Variants in PTPRT observed in about 807,000 individuals in gnomAD.
PTPRT encodes receptor-type tyrosine-protein phosphatase T.
In PTPRT, 56 loss-of-function variants were observed where a neutral mutation model predicts 176.8. That is an observed-to-expected ratio of 0.32 (90% CI 0.26 to 0.40). PTPRT has a LOEUF of 0.40. PTPRT is among the 10% of genes least tolerant of loss of function. PTPRT has a pLI of 1.00. For synonymous variants in PTPRT, 783 were observed against 739.0 expected (o/e 1.06, Z -0.96); for missense variants, 1,540 against 1,908.2 (o/e 0.81, Z 3.60).
intron 1 of PTPRT, among the ~76,000 whole-genome samples, chr20:42,887,328 G>A (rs2079119347): frequency 6.6e-6 from 1 of 152,180 alleles, no homozygotes; most frequent in Non-Finnish European, 1.5e-5. Context: ...CTTCCACCAT[G>A]TGAGGACACA....
At chr20:42,245,945 C>G (rs964349269) in intron 14 of PTPRT, among the ~76,000 whole-genome samples, 4 of 152,170 alleles carry the variant, frequency 2.6e-5, no homozygotes, top group African/African-American at 9.7e-5. Flanking sequence ...CAGTGTTGGC[C>G]TCTGTGAACT....
intron 1 of PTPRT, among the ~76,000 whole-genome samples, chr20:42,908,821 G>A (rs558512276): frequency 6.6e-6 from 1 of 152,266 alleles, no homozygotes; most frequent in African/African-American, 2.4e-5. Context: ...ATTTATGGAA[G>A]CCATTTCCAC....
chr20:42,660,207 G>A (rs1294961687), intron 7 of PTPRT, among the ~76,000 whole-genome samples: 1 of 152,064 alleles, frequency 6.6e-6, no homozygotes, highest in Non-Finnish European at 1.5e-5. Flanking sequence ...TCCCTAACAG[G>A]GTGTCTGCTC....
chr20:42,328,681 C>A (rs968550596), intron 11 of PTPRT, among the ~76,000 whole-genome samples: 10 of 152,056 alleles, frequency 6.6e-5, no homozygotes, highest in African/African-American at 2.2e-4. Flanking sequence ...TATTTCAAAT[C>A]TACAACTAAC....
chr20:42,509,659 T>C (rs762908604), intron 7 of PTPRT, among the ~76,000 whole-genome samples: 13 of 149,052 alleles, frequency 8.7e-5, no homozygotes, highest in Non-Finnish European at 2.0e-4. Context: ...TTCTGCAGAA[T>C]AGCTCAGGAT....
intron 13 of PTPRT, among the ~76,000 whole-genome samples, chr20:42,255,081 T>A (rs905834671): frequency 4.6e-5 from 7 of 151,648 alleles, no homozygotes; most frequent in Non-Finnish European, 8.8e-5. Context: ...GGCTGGAACA[T>A]CCTGTGCTCC....
chr20:42,264,593 C>T (rs1419851962), intron 13 of PTPRT, among the ~76,000 whole-genome samples: 1 of 152,174 alleles, frequency 6.6e-6, no homozygotes, highest in East Asian at 1.9e-4. Context: ...TCTGGCACAG[C>T]CATGACCTTT....
At chr20:42,389,460 C>T (rs1340320506) in intron 9 of PTPRT, among the ~76,000 whole-genome samples, 2 of 152,150 alleles carry the variant, frequency 1.3e-5, no homozygotes, top group Non-Finnish European at 2.9e-5. Flanking sequence ...ATATTGGAAA[C>T]TTATTACCCT....
At chr20:42,751,654 G>A (rs1388200362) in intron 6 of PTPRT, among the ~76,000 whole-genome samples, 5 of 152,156 alleles carry the variant, frequency 3.3e-5, no homozygotes, top group African/African-American at 9.7e-5. Flanking sequence ...GGTGAAAGAA[G>A]CGGACTTGCT....
chr20:42,848,048 G>C (rs547587176), intron 2 of PTPRT, among the ~76,000 whole-genome samples: 3 of 152,014 alleles, frequency 2.0e-5, no homozygotes, highest in Non-Finnish European at 4.4e-5. Flanking sequence ...CATCCTCAGA[G>C]CTTAGCTCCC....
At chr20:42,902,005 T>C (rs1305805015) in intron 1 of PTPRT, among the ~76,000 whole-genome samples, 1 of 152,192 alleles carries the variant, frequency 6.6e-6, no homozygotes, top group Non-Finnish European at 1.5e-5. Flanking sequence ...ATTTACTATC[T>C]AGCCTTTGAT....
At chr20:42,361,301 G>A (rs2058428812) in intron 9 of PTPRT, among the ~76,000 whole-genome samples, 1 of 152,094 alleles carries the variant, frequency 6.6e-6, no homozygotes, top group Non-Finnish European at 1.5e-5. Context: ...CTTGTATCTG[G>A]GCCTGAATTT....
Position 42,853,343 on chromosome 20 carries a change from A to T in PTPRT, c.214+32464T>A, listed in dbSNP as rs143429264. Among the ~76,000 whole-genome samples, 34 of 152,334 alleles carry T rather than the reference A, an allele frequency of 2.2e-4. No homozygotes were observed. The South Asian group carries it at 2.3e-3, about 10-fold the overall frequency. ...AATTATGGAGGCCAGGAAGTCCCCC[A>T]GTATGCTGTCTGCAAGCTGGAGAAT... is the stretch of plus-strand genomic sequence containing the variant. On this transcript the variant is annotated intron_variant, in intron 2 of 30. Transcript: ENST00000373187.
chr20:42,422,788 T>G (rs1214781963), intron 9 of PTPRT, among the ~76,000 whole-genome samples: 1 of 151,950 alleles, frequency 6.6e-6, no homozygotes, highest in Non-Finnish European at 1.5e-5. Flanking sequence ...GCCAACAGAA[T>G]CAACCTAAAT....
chr20:42,859,586 A>ATT (rs374358348), intron 2 of PTPRT, among the ~76,000 whole-genome samples: 42,621 of 127,458 alleles, frequency 0.33, 8,024 homozygotes, highest in African/African-American at 0.49. Flanking sequence ...TTTTTTTTTA[A>ATT]TTTTTTTTTT....
intron 1 of PTPRT, among the ~76,000 whole-genome samples, chr20:42,994,191 C>A (rs934436761): frequency 1.3e-5 from 2 of 152,180 alleles, no homozygotes; most frequent in Non-Finnish European, 2.9e-5. Context: ...GCAGTTCTAT[C>A]GAGACCATGT....
At chr20:43,181,239 G>A (rs1600777478) in intron 1 of PTPRT, among the ~76,000 whole-genome samples, 1 of 152,168 alleles carries the variant, frequency 6.6e-6, no homozygotes, top group Non-Finnish European at 1.5e-5. Flanking sequence ...GCCTGTGAGG[G>A]GCCCTGAGCC....
intron 6 of PTPRT, among the ~76,000 whole-genome samples, chr20:42,690,478 G>A (rs2075774760): frequency 1.3e-5 from 2 of 152,166 alleles, no homozygotes; most frequent in South Asian, 4.1e-4. Flanking sequence ...TGAAAGGACA[G>A]GACTTGGTCA....
intron 28 of PTPRT, among the ~76,000 whole-genome samples, chr20:42,085,202 G>A (rs1389948705): frequency 6.6e-6 from 1 of 152,150 alleles, no homozygotes; most frequent in Non-Finnish European, 1.5e-5. Flanking sequence ...AGTGAACTCT[G>A]AGCAGGGGGG....
Sources: gnomAD v4.1 joint callset for allele counts (sites outside exome capture counted in the v4.1 genomes callset) on GRCh38, gnomAD v4.1.1 for gene constraint, MANE v1.5 for transcripts, NCBI Gene and HGNC (gene_info 2026-07-23, HGNC 2026-07-21) for gene names.